Variants in XIRP2 observed in about 807,000 individuals in gnomAD.
The protein encoded by XIRP2 is xin actin binding repeat containing 2.
Under a neutral mutation model 277.0 loss-of-function variants are expected in XIRP2, and 236 were observed. That is an observed-to-expected ratio of 0.85 (90% confidence interval 0.77 to 0.95). The LOEUF (loss-of-function observed/expected upper bound fraction) is 0.95, where lower values mean the gene tolerates loss of function less well. XIRP2 is among the 40% of genes least tolerant of loss of function. XIRP2 has a pLI of 0.00. For synonymous variants in XIRP2, 1,490 were observed against 1,416.5 expected, an observed-to-expected ratio of 1.05 and a Z score of -1.17; for missense variants, 4,640 against 4,157.5, an observed-to-expected ratio of 1.12 and a Z score of -3.19.
Position 167,184,652 on chromosome 2 carries a change from G to A in XIRP2, c.563-26083G>A, listed in dbSNP as rs16853172. 5.0e-3 allele frequency: 3,604 copies of A among 715,706 alleles called. 106 individuals carry two copies. The African/African-American group carries it at 0.056, about 11-fold the overall frequency. 44.3% of individuals were successfully genotyped at this position (715,706 alleles called of 1,614,324 possible). ...CTCAACTTATATTTGTAAGGTTCTC[G>A]TCTTTCTTGAATTGTACTGCTTCTG... On this transcript the variant is annotated intron_variant, in intron 3 of 10. Transcript: ENST00000409195.
At chr2:167,028,455 C>A (rs1688236258) in intron 2 of XIRP2, among the ~76,000 whole-genome samples, 1 of 152,008 alleles carries the variant, frequency 6.6e-6, no homozygotes, top group Non-Finnish European at 1.5e-5. Context: ...CCCAAGGCCA[C>A]CAAGGCAATA....
chr2:167,201,765 T>G (rs1221937799), intron 3 of XIRP2, among the ~76,000 whole-genome samples: 2 of 152,196 alleles, frequency 1.3e-5, no homozygotes, highest in African/African-American at 4.8e-5. Context: ...TAGAAAGGAT[T>G]TAAGTGCATA....
chr2:167,049,248 C>T, intron 2 of XIRP2, among the ~76,000 whole-genome samples: 1 of 151,192 alleles, frequency 6.6e-6, no homozygotes, highest in Admixed American at 6.6e-5. Context: ...TGGTGCAAGC[C>T]CTACCATTAA....
At position 167,242,634 on chromosome 2, in the gene XIRP2, C is replaced by G; in HGVS notation, c.1242C>G (p.Cys414Trp). Reference sequence around the variant, plus strand: ...TTGTGAGTACCTCTTCCACTTCTTGCGTTTCAACCAGCCAGAGGAAGGAAA... The same window carrying G: ...TTGTGAGTACCTCTTCCACTTCTTGGGTTTCAACCAGCCAGAGGAAGGAAA... ...SSVVSTSSTS[C>W]VSTSQRKETS... Residue 414 changes from cysteine to tryptophan, a missense_variant, in exon 9 of 11, where the codon TGC becomes TGG. By Grantham distance (215) the Cys-to-Trp change is radical (BLOSUM62 -2). Transcript: ENST00000409195. 6.2e-7 allele frequency: 1 copy of G among 1,614,014 alleles called. No individual in the cohort carries two copies. Among genetic ancestry groups the G allele is most frequent in the African/African-American group, 1.3e-5 (1 of 75,008 alleles).
At chr2:166,984,426 A>G (rs377097531) in intron 2 of XIRP2, among the ~76,000 whole-genome samples, 14 of 152,294 alleles carry the variant, frequency 9.2e-5, no homozygotes, top group African/African-American at 2.2e-4. Flanking sequence ...TTAAAAAATG[A>G]ATTAAAGTTT....
chr2:166,934,393 C>T (rs1313220437), intron 2 of XIRP2, among the ~76,000 whole-genome samples: 1 of 151,940 alleles, frequency 6.6e-6, no homozygotes, highest in African/African-American at 2.4e-5. Context: ...GGAATCCCAC[C>T]AAAAACCTAA....
chr2:167,060,774 T>C (rs1220354829), intron 2 of XIRP2, among the ~76,000 whole-genome samples: 1 of 152,178 alleles, frequency 6.6e-6, no homozygotes, highest in Non-Finnish European at 1.5e-5. Context: ...TAGAGAGTTA[T>C]GATAATTCTT....
At chr2:166,906,329 TG>T (rs1239345928) in intron 2 of XIRP2, among the ~76,000 whole-genome samples, 1 of 152,066 alleles carries the variant, frequency 6.6e-6, no homozygotes, top group Non-Finnish European at 1.5e-5. Flanking sequence ...TGGAATATCG[TG>T]TATATGTACA....
chr2:167,038,293 C>G (rs942051066), intron 2 of XIRP2, among the ~76,000 whole-genome samples: 1 of 151,852 alleles, frequency 6.6e-6, no homozygotes, highest in Non-Finnish European at 1.5e-5. Context: ...TTGCACCAAC[C>G]TATTAGTTTC....
intron 3 of XIRP2, among the ~76,000 whole-genome samples, chr2:167,201,252 AAGAAAGAAAGAG>A (rs1274989585): frequency 1.7e-3 from 124 of 71,764 alleles, no homozygotes; most frequent in African/African-American, 5.6e-3. Context: ...GAAAGAAAGA[AAGAAAGAAAGAG>A]AGAGGGAGAA....
intron 2 of XIRP2, among the ~76,000 whole-genome samples, chr2:166,932,198 C>A (rs1181492120): frequency 6.6e-6 from 1 of 150,742 alleles, no homozygotes; most frequent in African/African-American, 2.4e-5. Context: ...TACATGTATA[C>A]ACACTCTCTC....
At chr2:167,107,012 T>C (rs148576208) in intron 2 of XIRP2, among the ~76,000 whole-genome samples, 27 of 151,612 alleles carry the variant, frequency 1.8e-4, no homozygotes, top group Admixed American at 1.6e-3. Flanking sequence ...TTATAATTTA[T>C]ATATATTGCG....
At chr2:166,890,285 G>A (rs1684069016) in intron 1 of XIRP2, among the ~76,000 whole-genome samples, 1 of 152,016 alleles carries the variant, frequency 6.6e-6, no homozygotes, top group Non-Finnish European at 1.5e-5. Context: ...GAGCCACCGT[G>A]CCTGGCCCCT....
At chr2:166,996,693 A>G (rs887141432) in intron 2 of XIRP2, among the ~76,000 whole-genome samples, 3 of 152,148 alleles carry the variant, frequency 2.0e-5, no homozygotes, top group Non-Finnish European at 2.9e-5. Flanking sequence ...TCAGAATTCT[A>G]TATATCTAGT....
At chr2:166,956,906 G>T (rs762901910) in intron 2 of XIRP2, among the ~76,000 whole-genome samples, 2 of 151,746 alleles carry the variant, frequency 1.3e-5, no homozygotes, top group Non-Finnish European at 1.5e-5. Flanking sequence ...GTTTAATTTT[G>T]AATCAGTTTG....
intron 1 of XIRP2, among the ~76,000 whole-genome samples, chr2:166,899,560 A>G (rs1684325290): frequency 1.3e-5 from 2 of 152,114 alleles, no homozygotes; most frequent in African/African-American, 4.8e-5. Flanking sequence ...TTTACCAGCA[A>G]CAAATTATTC....
At chr2:167,191,424 T>C (rs1476690993) in intron 3 of XIRP2, among the ~76,000 whole-genome samples, 1 of 152,104 alleles carries the variant, frequency 6.6e-6, no homozygotes, top group African/African-American at 2.4e-5. Context: ...TTGCAAATCT[T>C]TGTGCCAAAA....
chr2:166,902,109 TA>T (rs1200831119), intron 1 of XIRP2, among the ~76,000 whole-genome samples: 4 of 152,100 alleles, frequency 2.6e-5, no homozygotes, highest in Non-Finnish European at 5.9e-5. Context: ...ACACGGTTAG[TA>T]AAACCCAACC....
chr2:167,056,233 G>C (rs1414468263), intron 2 of XIRP2, among the ~76,000 whole-genome samples: 1 of 152,062 alleles, frequency 6.6e-6, no homozygotes, highest in African/African-American at 2.4e-5. Context: ...GTAACTGGGG[G>C]GAAAATAGGG....
Sources: allele counts gnomAD v4.1 joint callset (sites outside exome capture counted in the v4.1 genomes callset), GRCh38; gene constraint gnomAD v4.1.1; transcripts MANE v1.5; gene names NCBI Gene and HGNC (gene_info 2026-07-23, HGNC 2026-07-21).